The following LPGAT1 variants were observed in gnomAD, a reference collection of about 807,000 sequenced individuals.
The protein encoded by LPGAT1 is acyl-CoA:lysophosphatidylglycerol acyltransferase 1.
Under a neutral mutation model 47.5 loss-of-function variants are expected in LPGAT1, and 11 were observed. The ratio of observed to expected loss-of-function variants is 0.23; its 90% CI spans 0.15 to 0.38. The LOEUF (loss-of-function observed/expected upper bound fraction) is 0.38, where lower values mean the gene tolerates loss of function less well. LPGAT1 is among the 10% of genes least tolerant of loss of function. The pLI is 1.00. For missense variants in LPGAT1, 293 were observed against 439.0 expected (o/e 0.67, Z 2.97); for synonymous variants, 138 against 144.2 (o/e 0.96, Z 0.31).
chr1:211,820,941 T>C (rs1660349164), intron 2 of LPGAT1, among the ~76,000 whole-genome samples: 1 of 152,130 alleles, frequency 6.6e-6, no homozygotes, highest in Non-Finnish European at 1.5e-5. Context: ...GAGAATCCCT[T>C]TGGGCAGACA....
chr1:211,770,643 T>A (rs1049457285), intron 6 of LPGAT1, among the ~76,000 whole-genome samples: 2 of 152,186 alleles, frequency 1.3e-5, no homozygotes, highest in East Asian at 1.9e-4. Flanking sequence ...ACTTTATTTT[T>A]AAAATAAATT....
intron 1 of LPGAT1, chr1:211,829,578 A>C: frequency 7.8e-7 from 1 of 1,284,610 alleles, no homozygotes; most frequent in Non-Finnish European, 9.9e-7. Context: ...TGATAACACA[A>C]TTCCCATTCA....
chr1:211,772,282 T>A (rs999872284), intron 6 of LPGAT1, among the ~76,000 whole-genome samples: 1 of 152,204 alleles, frequency 6.6e-6, no homozygotes, highest in Admixed American at 6.5e-5. Context: ...AATCTCTCCA[T>A]TGATGTGGAC....
intron 6 of LPGAT1, among the ~76,000 whole-genome samples, chr1:211,765,261 T>C (rs1343405963): frequency 6.6e-6 from 1 of 152,238 alleles, no homozygotes. Flanking sequence ...ATTCCCCAAA[T>C]GTTAATATTT....
intron 2 of LPGAT1, among the ~76,000 whole-genome samples, chr1:211,813,828 T>C (rs1660082064): frequency 1.3e-5 from 2 of 152,138 alleles, no homozygotes; most frequent in Admixed American, 1.3e-4. Context: ...ACCTCTGCAG[T>C]AAGGTACATG....
At chr1:211,791,763 AAAC>A (rs1431863697) in intron 3 of LPGAT1, among the ~76,000 whole-genome samples, 1 of 143,298 alleles carries the variant, frequency 7.0e-6, no homozygotes, top group Non-Finnish European at 1.6e-5. Flanking sequence ...AAAAAAAAAA[AAAC>A]AAACAAACAA....
At chr1:211,768,377 A>G (rs896074991) in intron 6 of LPGAT1, among the ~76,000 whole-genome samples, 2 of 152,212 alleles carry the variant, frequency 1.3e-5, no homozygotes, top group Non-Finnish European at 2.9e-5. Context: ...TGTAAAAAAC[A>G]CTCAAATAGT....
rs1204026375 is a variant in LPGAT1 at position 211,745,724 on chromosome 1, G to T, written c.*4175C>A. 2 of 152,568 alleles carry T rather than the reference G, an allele frequency of 1.3e-5. No homozygotes were observed. Among genetic ancestry groups the T allele is most frequent in the African/African-American group, 4.8e-5 (2 of 41,406 alleles). The allele number at this position is 152,568 out of a possible 1,614,324, so 9.5% of individuals were successfully genotyped here. The stretch of plus-strand genomic sequence containing the variant: ...ATTGGCGCAAAATGATTACAATAAA[G>T]CACCAACCAATGACTGCTCCAGAGA... On this transcript the variant is annotated 3_prime_UTR_variant, in exon 8 of 8. Coordinates refer to ENST00000366997, the MANE Select transcript of LPGAT1 (RefSeq NM_014873.3).
At chr1:211,759,936 TA>T (rs2102499454) in intron 6 of LPGAT1, among the ~76,000 whole-genome samples, 1 of 152,380 alleles carries the variant, frequency 6.6e-6, no homozygotes, top group East Asian at 1.9e-4. Context: ...AATGTAGTAG[TA>T]ATTTTGAAAG....
chr1:211,748,081 G>GT lies in LPGAT1; in HGVS notation c.*1817dup, dbSNP rs5780659. 13,073 of 150,320 alleles carry GT rather than the reference G, an allele frequency of 0.087. 680 individuals carry two copies. Among genetic ancestry groups the GT allele is most frequent in the Admixed American group, 0.15 (2,320 of 15,044 alleles). 9.3% of individuals were successfully genotyped at this position (150,320 alleles called of 1,614,324 possible). ...ACTGGGGAAAATTCACATCTTTTCT[G>GT]TTTTTTTTTGGTTTATTTAAAAATA... On this transcript the variant is annotated 3_prime_UTR_variant, in exon 8 of 8. Transcript: ENST00000366997.
chr1:211,804,126 G>A (rs749723753), intron 2 of LPGAT1, among the ~76,000 whole-genome samples: 4 of 152,102 alleles, frequency 2.6e-5, no homozygotes, highest in Non-Finnish European at 5.9e-5. Context: ...AGTTTGGAGT[G>A]CAGTGGCACA....
At chr1:211,803,898 G>A (rs543823402) in intron 2 of LPGAT1, among the ~76,000 whole-genome samples, 90 of 151,002 alleles carry the variant, frequency 6.0e-4, no homozygotes, top group Non-Finnish European at 1.1e-3. Context: ...AGCTGGGACC[G>A]CCAGCATGCA....
chr1:211,772,062 A>G (rs1470614583), intron 6 of LPGAT1, among the ~76,000 whole-genome samples: 1 of 152,064 alleles, frequency 6.6e-6, no homozygotes, highest in Non-Finnish European at 1.5e-5. Flanking sequence ...CCACCCAAAT[A>G]CTTTAGGGTC....
At chr1:211,759,162 G>T (rs1446987052) in intron 6 of LPGAT1, among the ~76,000 whole-genome samples, 1 of 152,138 alleles carries the variant, frequency 6.6e-6, no homozygotes, top group South Asian at 2.1e-4. Flanking sequence ...CTTTAGTTCA[G>T]GTTTTGGTGT....
chr1:211,809,326 C>T (rs1439630387), intron 2 of LPGAT1, among the ~76,000 whole-genome samples: 1 of 152,178 alleles, frequency 6.6e-6, no homozygotes, highest in Non-Finnish European at 1.5e-5. Context: ...CCAACTTGCT[C>T]AAAGGTTTCT....
intron 2 of LPGAT1, among the ~76,000 whole-genome samples, chr1:211,817,369 C>A (rs985781852): frequency 1.3e-5 from 2 of 152,084 alleles, no homozygotes; most frequent in African/African-American, 2.4e-5. Flanking sequence ...GTCCGGAGTT[C>A]GAGACCAGCC....
At chr1:211,821,104 A>T (rs1301728558) in intron 2 of LPGAT1, among the ~76,000 whole-genome samples, 2 of 152,188 alleles carry the variant, frequency 1.3e-5, no homozygotes, top group African/African-American at 2.4e-5. Context: ...AAAAATACAA[A>T]AATTAGCTGG....
intron 6 of LPGAT1, among the ~76,000 whole-genome samples, chr1:211,756,873 C>CTT (rs200189758): frequency 7.1e-5 from 10 of 139,978 alleles, no homozygotes; most frequent in Admixed American, 2.9e-4. Flanking sequence ...TTTTTTTTCT[C>CTT]TCTTTTTTTT....
chr1:211,791,769 A>C, intron 3 of LPGAT1, among the ~76,000 whole-genome samples: 1 of 140,512 alleles, frequency 7.1e-6, no homozygotes, highest in Admixed American at 7.1e-5. Flanking sequence ...AAAAAAACAA[A>C]CAAACAAAAA....
Sources: gnomAD v4.1 joint callset for allele counts (sites outside exome capture counted in the v4.1 genomes callset) on GRCh38, gnomAD v4.1.1 for gene constraint, MANE v1.5 for transcripts, NCBI Gene and HGNC (gene_info 2026-07-23, HGNC 2026-07-21) for gene names.